CCDC141: variants seen among roughly 807,000 people sequenced by gnomAD.
CCDC141 encodes coiled-coil domain containing 141, also known as coiled-coil domain-containing protein 141.
In CCDC141, 168 loss-of-function variants were observed where a neutral mutation model predicts 181.0. That is an observed-to-expected ratio of 0.93 (90% CI 0.82 to 1.05). The LOEUF is 1.05. Ranked by LOEUF, CCDC141 falls within the 50% of genes least tolerant of loss-of-function variation. The probability of loss-of-function intolerance (pLI) is 0.00; values close to 1 mark genes in which losing one functional copy is unlikely to be tolerated. For synonymous variants in CCDC141, 666 were observed against 642.3 expected, an observed-to-expected ratio of 1.04 and a Z score of -0.56; for missense variants, 1,902 against 1,788.5, an observed-to-expected ratio of 1.06 and a Z score of -1.14.
intron 7 of CCDC141, among the ~76,000 whole-genome samples, chr2:178,908,496 G>A (rs1015311162): frequency 1.3e-5 from 2 of 152,138 alleles, no homozygotes; most frequent in African/African-American, 2.4e-5. Flanking sequence ...CCAGCCGAGG[G>A]TTAGTTTTAA....
At chr2:179,044,157 T>C (rs901043697) in intron 2 of CCDC141, among the ~76,000 whole-genome samples, 10 of 152,062 alleles carry the variant, frequency 6.6e-5, no homozygotes, top group Non-Finnish European at 1.2e-4. Context: ...AAATCAGAGA[T>C]GACACAAACA....
At chr2:179,039,097 A>G (rs76496763) in intron 2 of CCDC141, among the ~76,000 whole-genome samples, 2,199 of 152,254 alleles carry the variant, frequency 0.014, 23 homozygotes, top group Non-Finnish European at 0.022. Flanking sequence ...TGACTTGAAT[A>G]TGGTTTGGAA....
At chr2:178,940,662 C>T (rs1428917960) in intron 6 of CCDC141, among the ~76,000 whole-genome samples, 1 of 152,108 alleles carries the variant, frequency 6.6e-6, no homozygotes, top group African/African-American at 2.4e-5. Flanking sequence ...ACAAGGGAAT[C>T]ACAAAAAAAC....
intron 2 of CCDC141, among the ~76,000 whole-genome samples, chr2:179,029,564 C>A (rs1271174527): frequency 6.6e-6 from 1 of 152,134 alleles, no homozygotes; most frequent in African/African-American, 2.4e-5. Context: ...TATCCACAAT[C>A]CTTTGTGTAC....
At chr2:178,850,019 A>G (rs1166154043) in intron 21 of CCDC141, 30 bp downstream of exon 21, 9 of 1,219,872 alleles carry the variant, frequency 7.4e-6, no homozygotes, top group African/African-American at 1.5e-5. Flanking sequence ...ATTTTGCTTG[A>G]AAATACATAT....
At chr2:178,938,516 T>C (rs1689380407) in intron 6 of CCDC141, among the ~76,000 whole-genome samples, 1 of 152,136 alleles carries the variant, frequency 6.6e-6, no homozygotes, top group African/African-American at 2.4e-5. Context: ...TGTCCAATTA[T>C]GCGGTCAATT....
At chr2:178,858,429 A>C (rs1243667220) in intron 17 of CCDC141, among the ~76,000 whole-genome samples, 2 of 122,420 alleles carry the variant, frequency 1.6e-5, no homozygotes, top group African/African-American at 6.9e-5. Context: ...TTTTGCAACT[A>C]CATATATAAT....
At chr2:178,956,923 G>A (rs918026633) in intron 5 of CCDC141, among the ~76,000 whole-genome samples, 2 of 151,416 alleles carry the variant, frequency 1.3e-5, no homozygotes, top group East Asian at 1.9e-4. Flanking sequence ...CGTGTTGCCC[G>A]GACTGGAGTG....
chr2:178,962,909 C>A (rs1450559712), intron 4 of CCDC141, among the ~76,000 whole-genome samples: 1 of 152,178 alleles, frequency 6.6e-6, no homozygotes, highest in Non-Finnish European at 1.5e-5. Context: ...ATCCTCAACA[C>A]CCTCCTTCGT....
Position 178,894,611 on chromosome 2 carries a change from G to T in CCDC141, c.1266-5943C>A, listed in dbSNP as rs377616545. Among the ~76,000 whole-genome samples, 18 of 151,560 alleles carry T rather than the reference G, an allele frequency of 1.2e-4. No homozygotes were observed. In the East Asian group the frequency reaches 3.3e-3, roughly 28 times the overall value. On this transcript the variant is annotated intron_variant, in intron 8 of 23. Transcript: ENST00000443758. The stretch of plus-strand genomic sequence containing the variant: ...ACACACAAAAAAATTAGAAATCACA[G>T]AAATGAAAACAATATATTTTCTAAA...
At position 178,884,646 on chromosome 2, in the gene CCDC141, C is replaced by A. The variant is rs1565286; in HGVS notation, c.1719+255G>T. ...AGTTCCCCAACCCCCCTTTGGAAAA[C>A]GCACAGGTCACAGGTGCTCCTGGGA... On this transcript the variant is annotated intron_variant, in intron 11 of 23. Coordinates refer to ENST00000443758, the MANE Select transcript of CCDC141 (RefSeq NM_173648.4). 0.2 allele frequency among the ~76,000 whole-genome samples: 30,822 copies of A among 152,078 alleles called. 3,831 individuals carry two copies. Among genetic ancestry groups the A allele is most frequent in the African/African-American group, 0.33 (13,860 of 41,438 alleles).
intron 6 of CCDC141, among the ~76,000 whole-genome samples, chr2:178,924,611 CA>C (rs1479475112): frequency 6.6e-6 from 1 of 152,138 alleles, no homozygotes; most frequent in Non-Finnish European, 1.5e-5. Flanking sequence ...ATGCTCCCTT[CA>C]GGGGCATTTC....
intron 8 of CCDC141, among the ~76,000 whole-genome samples, chr2:178,903,801 C>T (rs747400360): frequency 4.6e-5 from 7 of 151,438 alleles, no homozygotes; most frequent in Non-Finnish European, 8.8e-5. Context: ...GGAACCTTTC[C>T]ACAGCCAGGG....
At chr2:178,980,500 T>A (rs377677785) in intron 2 of CCDC141, among the ~76,000 whole-genome samples, 2 of 152,094 alleles carry the variant, frequency 1.3e-5, no homozygotes. Flanking sequence ...TTGTTAGAAC[T>A]CTGGAAAGTA....
intron 6 of CCDC141, among the ~76,000 whole-genome samples, chr2:178,929,080 G>T (rs1030991659): frequency 5.3e-5 from 8 of 152,098 alleles, no homozygotes; most frequent in Admixed American, 6.6e-5. Context: ...TCTGATGCAG[G>T]TGTCTTACTC....
chr2:178,868,094 G>T lies in CCDC141; in HGVS notation c.2506C>A (p.Arg836Ser), dbSNP rs768543357. The change falls in exon 16 of 24, where the codon CGT (arginine) becomes AGT (serine). Residue 836 changes from arginine to serine, a missense_variant. By Grantham distance (110) the Arg-to-Ser change is moderately radical (BLOSUM62 -1). Transcript: ENST00000443758. ...GCCAGTCTGTGGAGATGGTCTACACGGGCTTGCTTTTCCTGAGAGCACCGG... is the reference window on the plus strand; with the variant it reads ...GCCAGTCTGTGGAGATGGTCTACACTGGCTTGCTTTTCCTGAGAGCACCGG... ...HLRCSQEKQA[R>S]VDHLHRLALS... 1 of 1,613,990 alleles carries T rather than the reference G, an allele frequency of 6.2e-7. No individual in the cohort carries two copies. Among genetic ancestry groups the T allele is most frequent in the Non-Finnish European group, 8.5e-7 (1 of 1,179,928 alleles).
the CCDC141 span, among the ~76,000 whole-genome samples, chr2:178,824,617 CAAAAA>C: frequency 1.9e-5 from 1 of 52,290 alleles, no homozygotes; most frequent in Non-Finnish European, 3.2e-5. Context: ...GAGACTTCGT[CAAAAA>C]AAAAAAAAAA....
At chr2:178,878,304 A>ATTTC (rs1413392074) in intron 11 of CCDC141, among the ~76,000 whole-genome samples, 161 bp from the exon 12 acceptor site, 2 of 110,312 alleles carry the variant, frequency 1.8e-5, no homozygotes, top group Non-Finnish European at 4.4e-5. Context: ...TATTTATTTT[A>ATTTC]TTTATTTTAA....
Position 178,944,555 on chromosome 2 carries a change from C to G in CCDC141, c.877G>C (p.Glu293Gln). 1 of 1,519,272 alleles carries G rather than the reference C, an allele frequency of 6.6e-7. No individual in the cohort carries two copies. The highest frequency in any genetic ancestry group is 8.9e-7 in the Non-Finnish European group (1 of 1,125,718). The allele number at this position is 1,519,272 out of a possible 1,614,324, so 94.1% of individuals were successfully genotyped here. The change falls in exon 6 of 24, where the codon GAA becomes CAA. Residue 293 changes from glutamate to glutamine, a missense_variant. Transcript: ENST00000443758. ...CTTACCTTTGCTTTTATTATCAGTT[C>G]CTCTTGCTTATGAATTCGATCCTCA... Reference protein sequence around the residue: ...DNEDRIHKQEELIIKAKEWNS... With the variant: ...DNEDRIHKQEQLIIKAKEWNS...
Sources: allele counts gnomAD v4.1 joint callset (sites outside exome capture counted in the v4.1 genomes callset), GRCh38; gene constraint gnomAD v4.1.1; transcripts MANE v1.5; gene names NCBI Gene and HGNC (gene_info 2026-07-23, HGNC 2026-07-21).